Variants in PIDD1 observed in about 807,000 individuals in gnomAD.
The protein encoded by PIDD1 is p53-induced death domain-containing protein 1.
A neutral mutation model predicts 80.0 loss-of-function variants in PIDD1; 72 were observed. The ratio of observed to expected loss-of-function variants is 0.90; its 90% CI spans 0.74 to 1.09. The LOEUF (loss-of-function observed/expected upper bound fraction) is 1.09, where lower values mean the gene tolerates loss of function less well. PIDD1 is among the 50% of genes least tolerant of loss of function. The probability of loss-of-function intolerance (pLI) is 0.00; values close to 1 mark genes in which losing one functional copy is unlikely to be tolerated. For synonymous variants in PIDD1, 655 were observed against 543.5 expected (o/e 1.21, Z -2.85); for missense variants, 1,329 against 1,228.3 (o/e 1.08, Z -1.23).
chr11:805,014 T>C (rs1366846740), intron 1 of PIDD1, 165 bp downstream of exon 1: 1 of 167,376 alleles, frequency 6.0e-6, no homozygotes, highest in African/African-American at 2.4e-5. Flanking sequence ...TTCGGTCCAC[T>C]GGGGAGGGTG....
In PIDD1 at chr11:802,213, A is replaced by G. The variant is rs1212048331; in HGVS notation, c.1158T>C (p.His386=). 7 of 1,608,392 alleles carry G rather than the reference A, an allele frequency of 4.4e-6. No individual in the cohort carries two copies. The highest frequency in any genetic ancestry group is 4.5e-5 in the East Asian group (2 of 44,760). The change falls in exon 6 of 16, where the codon CAT becomes CAC. Residue 386 remains histidine, a synonymous_variant. Coordinates refer to ENST00000347755, the MANE Select transcript of PIDD1 (RefSeq NM_145886.4). The part of the protein sequence containing the change: ...LLSHVLELQP[H]GVAFQQDVGL... ...TCCATGCCTGCTGGAAGGCCACCCCATGGGGCTGCAGCTCCAGCACATGGC... is the reference window on the plus strand; with the variant it reads ...TCCATGCCTGCTGGAAGGCCACCCCGTGGGGCTGCAGCTCCAGCACATGGC...
In PIDD1 at chr11:801,985, G is replaced by C. The variant is rs761674237; in HGVS notation, c.1282C>G (p.Leu428Val). 6.2e-7 allele frequency: 1 copy of C among 1,604,150 alleles called. No individual in the cohort carries two copies. The highest frequency in any genetic ancestry group is 8.5e-7 in the Non-Finnish European group (1 of 1,175,958). ...DNSWGDLETY[L>V]EEEAPQRLWA... ...CTCACCTGGGGTGCCTCTTCCTCCA[G>C]GTAGGTCTCCAGGTCACCCCAGCTG... Residue 428 changes from leucine (L) to valine (V), a missense_variant, in exon 7 of 16, where the codon CTG becomes GTG. Leu to Val is a conservative substitution (Grantham distance 32). Transcript: ENST00000347755.
intron 11 of PIDD1, 24 bp from the exon 12 acceptor site, chr11:800,690 A>G: frequency 6.4e-7 from 1 of 1,566,084 alleles, no homozygotes; most frequent in Non-Finnish European, 8.6e-7. Flanking sequence ...CGTGCAGCTC[A>G]GGACCCAAAG....
At position 800,421 on chromosome 11, in the gene PIDD1, C is replaced by T. The variant is rs956566457; in HGVS notation, c.2072G>A (p.Cys691Tyr). 1 of 1,543,178 alleles carries T rather than the reference C, an allele frequency of 6.5e-7. No individual in the cohort carries two copies. The highest frequency in any genetic ancestry group is 1.7e-5 in the Admixed American group (1 of 57,716). Residue 691 changes from cysteine to tyrosine, a missense_variant, in exon 13 of 16, where the codon TGC becomes TAC. Physicochemically the swap from Cys to Tyr is radical, Grantham distance 194. Coordinates refer to ENST00000347755, the MANE Select transcript of PIDD1 (RefSeq NM_145886.4). The part of the protein sequence containing the change: ...DRPDCVEGRI[C>Y]FVFYSHLKNV... The stretch of plus-strand genomic sequence containing the variant: ...CTTCAGGTGCGAGTAGAAGACAAAG[C>T]AGATTCTGCCCTCCACACAGTCAGG...
upstream of PIDD1, chr11:805,257 T>C (rs1216900036): frequency 5.1e-6 from 5 of 980,680 alleles, no homozygotes; most frequent in Admixed American, 1.8e-4. Context: ...CGTTTCTGGG[T>C]GGGCGGGGAC....
chr11:801,465 G>A lies in PIDD1; in HGVS notation c.1462C>T (p.Pro488Ser), dbSNP rs1277273904. 1.3e-6 allele frequency: 2 copies of A among 1,544,446 alleles called. No homozygotes were observed. The highest frequency in any genetic ancestry group is 1.7e-4 in the Middle Eastern group (1 of 5,846). ...CATACCTGCATGGAGACTCGACGAG[G>A]CTCCTCAGTGGCCCCAGGGGGGAAG... ...VIFPPGATEE[P>S]RRVSMQVVRM... is the part of the protein sequence containing the mutation. The change falls in exon 8 of 16, where the codon CCT becomes TCT. Residue 488 changes from proline (P) to serine (S), a missense_variant. By Grantham distance (74) the Pro-to-Ser change is moderately conservative. Transcript: ENST00000347755.
At chr11:802,126 G>T (rs762645736) in intron 6 of PIDD1, 36 bp from the exon 7 acceptor site, 1 of 1,560,622 alleles carries the variant, frequency 6.4e-7, no homozygotes, top group Non-Finnish European at 8.7e-7. Context: ...CTGGAGCCAT[G>T]CCCGGGCCCG....
chr11:803,506 T>G lies in PIDD1; in HGVS notation c.377A>C (p.His126Pro). The G allele has an allele frequency of 6.2e-7, 1 of 1,613,390 alleles. No individual in the cohort carries two copies. Among genetic ancestry groups the G allele is most frequent in the Non-Finnish European group, 8.5e-7 (1 of 1,179,972 alleles). The change falls in exon 3 of 16, where the codon CAT becomes CCT. Residue 126 changes from histidine to proline, a missense_variant. His to Pro is a moderately conservative substitution (Grantham distance 77). Transcript: ENST00000347755. ...GAAGCTCAGGTCCAGGTGGGCCAGA[T>G]GGGCCAGGCCACTCAGACCAGCGGG... ...NLPAGLSGLA[H>P]LAHLDLSFNS...
At position 803,225 on chromosome 11, in the gene PIDD1, G is replaced by C; in HGVS notation, c.658C>G (p.Leu220Val). The C allele has an allele frequency of 6.2e-7, 1 of 1,612,228 alleles. No individual in the cohort carries two copies. The highest frequency in any genetic ancestry group is 8.5e-7 in the Non-Finnish European group (1 of 1,179,844). Residue 220 changes from leucine to valine, a missense_variant, in exon 3 of 16, where the codon CTG (leucine) becomes GTG (valine). Physicochemically the swap from Leu to Val is conservative, Grantham distance 32. Transcript: ENST00000347755. ...PPEIGGLGSL[L>V]ELNLASNRLQ... ...CGGTTGGAGGCCAGGTTGAGCTCCA[G>C]GAGGCTGCCCAGGCCTCCAATCTCA...
At chr11:808,760 T>C (rs1865909378), upstream of PIDD1, among the ~76,000 whole-genome samples, 1 of 152,220 alleles carries the variant, frequency 6.6e-6, no homozygotes, top group Non-Finnish European at 1.5e-5. Flanking sequence ...ACCCCAGATG[T>C]GTGACCCTGA....
At position 802,376 on chromosome 11, in the gene PIDD1, C is replaced by A; in HGVS notation, c.995G>T (p.Gly332Val). ...GCCACAGGCCAGGGTCACTGAGCAG[C>A]CTTGAGGGGTCACAGGAAAGCTGAG... is the stretch of plus-strand genomic sequence containing the variant. ...DLDSFPVTPQ[G>V]CSVTLACGVR... The change falls in exon 6 of 16, where the codon GGC (glycine) becomes GTC (valine). Residue 332 changes from glycine to valine, a missense_variant. By Grantham distance (109) the Gly-to-Val change is moderately radical (BLOSUM62 -3). Transcript: ENST00000347755. 6 of 1,612,134 alleles carry A rather than the reference C, an allele frequency of 3.7e-6. No individual in the cohort carries two copies. Among genetic ancestry groups the A allele is most frequent in the Non-Finnish European group, 5.1e-6 (6 of 1,179,884 alleles).
intron 5 of PIDD1, 60 bp downstream of exon 5, chr11:802,483 G>T: frequency 6.2e-7 from 1 of 1,600,032 alleles, no homozygotes; most frequent in Non-Finnish European, 8.6e-7. Context: ...AGAAGGTGTC[G>T]GAGGGGCCAG....
At chr11:801,720 G>A (rs1474955096) in intron 7 of PIDD1, 96 bp from the exon 8 acceptor site, 7 of 1,170,662 alleles carry the variant, frequency 6.0e-6, no homozygotes, top group Admixed American at 4.0e-5. Flanking sequence ...GGGGCGGGGT[G>A]GAAGGTGCCA....
Position 802,399 on chromosome 11 carries a change from G to A in PIDD1, c.975-3C>T, listed in dbSNP as rs199530748. On this transcript the variant is annotated splice_region_variant and splice_polypyrimidine_tract_variant and intron_variant, in intron 5 of 15. Transcript: ENST00000347755. Reference sequence around the variant, plus strand: ...AGCCTTGAGGGGTCACAGGAAAGCTGAGTGAGGAAGGAGCGAGCAACAGGT... The same window carrying A: ...AGCCTTGAGGGGTCACAGGAAAGCTAAGTGAGGAAGGAGCGAGCAACAGGT... 5 of 1,611,634 alleles carry A rather than the reference G, an allele frequency of 3.1e-6. No homozygotes were observed. The highest frequency in any genetic ancestry group is 4.2e-6 in the Non-Finnish European group (5 of 1,179,370).
chr11:805,327 G>T, upstream of PIDD1: 1 of 642,494 alleles, frequency 1.6e-6, no homozygotes, highest in Non-Finnish European at 1.9e-6. Flanking sequence ...CCGGGCTGGG[G>T]TCCACGGGGG....
upstream of PIDD1, chr11:805,302 G>A (rs28710291): frequency 0.67 from 558,837 of 835,762 alleles, 186,981 homozygotes; most frequent in Admixed American, 0.71. Flanking sequence ...GCCCCCTCGG[G>A]ACGCGCCCCC....
chr11:807,283 C>T (rs1378689210), upstream of PIDD1, among the ~76,000 whole-genome samples: 4 of 147,550 alleles, frequency 2.7e-5, no homozygotes, highest in South Asian at 2.1e-4. Context: ...GTCAGGAGAT[C>T]GAGACCATCC....
At position 803,644 on chromosome 11, in the gene PIDD1, G is replaced by A. The variant is rs564600987; in HGVS notation, c.296-57C>T. The A allele has an allele frequency of 1.6e-5, 25 of 1,544,394 alleles. No homozygotes were observed. In the African/African-American group the frequency reaches 3.0e-4, roughly 19 times the overall value. On this transcript the variant is annotated intron_variant, in intron 2 of 15. Transcript: ENST00000347755. The stretch of plus-strand genomic sequence containing the variant: ...GAGCCAGGGTCCGAGGTCCCAGATC[G>A]ACCCTGCCAGCCAGAGAAACAGCTG...
Position 802,030 on chromosome 11 carries a change from C to G in PIDD1, c.1237G>C (p.Val413Leu), listed in dbSNP as rs890013230. ...CAGCTGTTGTCATTCCGGGTCCTGA[C>G]CACCACTTCACGGCAGCGCCGGGCC... The part of the protein sequence containing the change: ...PQARRCREVV[V>L]RTRNDNSWGD... The change falls in exon 7 of 16, where the codon GTC (valine) becomes CTC (leucine). Residue 413 changes from valine (V) to leucine (L), a missense_variant. Coordinates refer to ENST00000347755, the MANE Select transcript of PIDD1 (RefSeq NM_145886.4). The G allele has an allele frequency of 4.4e-6, 7 of 1,600,978 alleles. No homozygotes were observed. Among genetic ancestry groups the G allele is most frequent in the Non-Finnish European group, 5.1e-6 (6 of 1,174,394 alleles).
Sources: gnomAD v4.1 joint callset for allele counts (sites outside exome capture counted in the v4.1 genomes callset) on GRCh38, gnomAD v4.1.1 for gene constraint, MANE v1.5 for transcripts, NCBI Gene and HGNC (gene_info 2026-07-23, HGNC 2026-07-21) for gene names.